PPARD: variants seen among roughly 807,000 people sequenced by gnomAD.
PPARD encodes peroxisome proliferator activated receptor delta.
Under a neutral mutation model 39.5 loss-of-function variants are expected in PPARD, and 6 were observed. The observed-to-expected ratio is 0.15, with a 90% CI of 0.08 to 0.30. The LOEUF is 0.30. Ranked by LOEUF, PPARD falls within the 10% of genes least tolerant of loss-of-function variation. PPARD has a pLI of 1.00. For synonymous variants in PPARD, 210 were observed against 231.3 expected (o/e 0.91, Z 0.83); for missense variants, 397 against 596.8 (o/e 0.67, Z 3.49).
intron 2 of PPARD, among the ~76,000 whole-genome samples, chr6:35,408,572 C>G (rs1365423150): frequency 6.6e-6 from 1 of 152,176 alleles, no homozygotes; most frequent in Non-Finnish European, 1.5e-5. Context: ...AACAAACTAT[C>G]AAGTCCCTGC....
At chr6:35,361,925 G>C (rs1350146739) in intron 2 of PPARD, among the ~76,000 whole-genome samples, 1 of 152,146 alleles carries the variant, frequency 6.6e-6, no homozygotes, top group Non-Finnish European at 1.5e-5. Context: ...TTAGGAAACT[G>C]TATTTGGGAG....
intron 2 of PPARD, among the ~76,000 whole-genome samples, chr6:35,397,862 A>G (rs780743483): frequency 2.0e-5 from 3 of 152,308 alleles, no homozygotes; most frequent in Non-Finnish European, 4.4e-5. Context: ...GGAAGACCTC[A>G]CTGAGATGGC....
At position 35,402,300 on chromosome 6, in the gene PPARD, C is replaced by T. The variant is rs1287977042; in HGVS notation, c.-101-8687C>T. Among the ~76,000 whole-genome samples, 7 of 152,344 alleles carry T rather than the reference C, an allele frequency of 4.6e-5. No homozygotes were observed. The East Asian group carries it at 1.3e-3, about 29-fold the overall frequency. On this transcript the variant is annotated intron_variant, in intron 2 of 7. Transcript: ENST00000360694. ...GTGTATGTGCTTTGACATTGCTGAG[C>T]TTCTCTTTGTGAAAACCACAGATTT...
intron 2 of PPARD, among the ~76,000 whole-genome samples, chr6:35,395,308 A>G (rs969393741): frequency 2.0e-5 from 3 of 152,208 alleles, no homozygotes; most frequent in African/African-American, 4.8e-5. Flanking sequence ...CTCTAATGAC[A>G]GGTCAGGAGC....
intron 2 of PPARD, among the ~76,000 whole-genome samples, chr6:35,373,261 C>T (rs1294712484): frequency 6.6e-6 from 1 of 152,194 alleles, no homozygotes; most frequent in African/African-American, 2.4e-5. Context: ...AACATTCAAA[C>T]CATAGCAATG....
intron 1 of PPARD, among the ~76,000 whole-genome samples, chr6:35,345,312 G>A (rs1051238082): frequency 2.6e-5 from 4 of 152,096 alleles, no homozygotes; most frequent in Admixed American, 6.6e-5. Flanking sequence ...CTGACACAAG[G>A]TTTTGTTCTA....
intron 2 of PPARD, among the ~76,000 whole-genome samples, chr6:35,384,367 G>T (rs1244667283): frequency 7.2e-6 from 1 of 138,940 alleles, no homozygotes; most frequent in African/African-American, 2.8e-5. Flanking sequence ...GGGCGCCTCT[G>T]CCTGGCTGCC....
intron 2 of PPARD, among the ~76,000 whole-genome samples, chr6:35,365,289 ACC>A (rs1762152632): frequency 6.8e-6 from 1 of 146,030 alleles, no homozygotes; most frequent in Non-Finnish European, 1.5e-5. Flanking sequence ...TTGCCACCAC[ACC>A]CAGCTAATTT....
chr6:35,343,357 C>T (rs1299674157), intron 1 of PPARD, among the ~76,000 whole-genome samples: 2 of 152,154 alleles, frequency 1.3e-5, no homozygotes, highest in African/African-American at 4.8e-5. Flanking sequence ...ACCTTGGTTC[C>T]CTGAGAGGCC....
chr6:35,409,535 A>G (rs902553552), intron 2 of PPARD, among the ~76,000 whole-genome samples: 2 of 130,204 alleles, frequency 1.5e-5, no homozygotes, highest in Non-Finnish European at 3.4e-5. Flanking sequence ...AAAAAAACCC[A>G]TCAGAAAACA....
At chr6:35,347,898 C>G (rs553897993) in intron 2 of PPARD, among the ~76,000 whole-genome samples, 2 of 136,986 alleles carry the variant, frequency 1.5e-5, no homozygotes, top group African/African-American at 2.8e-5. Context: ...CGTGAGCCAC[C>G]GCACCTGGCC....
intron 2 of PPARD, among the ~76,000 whole-genome samples, chr6:35,384,690 C>A (rs1455014573): frequency 7.3e-4 from 65 of 89,384 alleles, no homozygotes; most frequent in Non-Finnish European, 1.1e-3. Flanking sequence ...TGGCCAGCCG[C>A]CCCGTCTGGG....
intron 2 of PPARD, among the ~76,000 whole-genome samples, chr6:35,397,128 G>A (rs749679477): frequency 8.6e-5 from 13 of 151,844 alleles, no homozygotes; most frequent in South Asian, 4.2e-4. Context: ...CTTATCTTTC[G>A]CCCTGAAAAT....
chr6:35,359,172 CAGAG>C (rs1202658256), intron 2 of PPARD, among the ~76,000 whole-genome samples: 3 of 152,174 alleles, frequency 2.0e-5, no homozygotes, highest in Non-Finnish European at 4.4e-5. Context: ...CGTGGCTGGA[CAGAG>C]GGAGGGAGGA....
At chr6:35,359,732 G>A (rs1390775961) in intron 2 of PPARD, among the ~76,000 whole-genome samples, 1 of 152,188 alleles carries the variant, frequency 6.6e-6, no homozygotes, top group Non-Finnish European at 1.5e-5. Context: ...CCCACATGTT[G>A]AATGCATTGT....
rs879824853 is a variant in PPARD at position 35,401,422 on chromosome 6, G to A, written c.-101-9565G>A. 2.0e-5 allele frequency among the ~76,000 whole-genome samples: 3 copies of A among 152,150 alleles called. No homozygotes were observed. The highest frequency in any genetic ancestry group is 6.5e-5 in the Admixed American group (1 of 15,274). On this transcript the variant is annotated intron_variant, in intron 2 of 7. Transcript: ENST00000360694. This position sits in a 1 kb window ranked among gnomAD's most constrained non-coding sequence, Gnocchi z 4.1. ...CTCCACAGCAGCCTGAAAAGTCTTTGTAAAAATGCAGCTCTGTTCCTCCCC... is the reference window on the plus strand; with the variant it reads ...CTCCACAGCAGCCTGAAAAGTCTTTATAAAAATGCAGCTCTGTTCCTCCCC...
intron 2 of PPARD, among the ~76,000 whole-genome samples, chr6:35,375,379 G>A (rs913486641): frequency 5.3e-5 from 8 of 151,728 alleles, no homozygotes; most frequent in Admixed American, 1.3e-4. Flanking sequence ...CACCACACGC[G>A]GCTAATTTGT....
At chr6:35,409,369 G>A (rs185671885) in intron 2 of PPARD, among the ~76,000 whole-genome samples, 1 of 152,006 alleles carries the variant, frequency 6.6e-6, no homozygotes, top group African/African-American at 2.4e-5. Context: ...AGCTGGTGTG[G>A]TAGTGCACAC....
intron 2 of PPARD, among the ~76,000 whole-genome samples, chr6:35,356,672 C>T (rs1761632972): frequency 6.6e-6 from 1 of 152,148 alleles, no homozygotes; most frequent in Non-Finnish European, 1.5e-5. Context: ...ACACTAAGTG[C>T]CAGTGACACT....
Sources: gnomAD v4.1 joint callset for allele counts (sites outside exome capture counted in the v4.1 genomes callset) on GRCh38, gnomAD v4.1.1 for gene constraint, Gnocchi (gnomAD v3.1) non-coding constraint, MANE v1.5 for transcripts, NCBI Gene and HGNC (gene_info 2026-07-23, HGNC 2026-07-21) for gene names.